The following OXNAD1 variants were observed in gnomAD, a reference collection of about 807,000 sequenced individuals.
OXNAD1 encodes oxidoreductase NAD binding domain containing 1.
Under a neutral mutation model 32.9 loss-of-function variants are expected in OXNAD1, and 34 were observed. The ratio of observed to expected loss-of-function variants is 1.03; its 90% CI spans 0.79 to 1.38. The LOEUF is 1.38. OXNAD1 is among the 40% of genes most tolerant of loss of function. OXNAD1 has a pLI of 0.00. For missense variants in OXNAD1, 407 were observed against 379.4 expected (o/e 1.07, Z -0.60); for synonymous variants, 134 against 135.2 (o/e 0.99, Z 0.06).
At position 16,314,479 on chromosome 3, in the gene OXNAD1, C is replaced by T. The variant is rs2068195705; in HGVS notation, c.*30+10887C>T. On this transcript the variant is annotated intron_variant, in intron 9 of 9. Transcript: ENST00000435829. This position sits in a 1 kb window ranked among gnomAD's most constrained non-coding sequence, Gnocchi z 4.4. ...AAAAATCCTGATGCCCACGCCACTC[C>T]CCAGATCATTCATTCACAAGCTCTG... The T allele has an allele frequency of 6.6e-6, 1 of 152,098 alleles. No homozygotes were observed. Among genetic ancestry groups the T allele is most frequent in the Non-Finnish European group, 1.5e-5 (1 of 68,018 alleles). The allele number at this position is 152,098 out of a possible 1,614,324, so 9.4% of individuals were successfully genotyped here.
At position 16,292,245 on chromosome 3, in the gene OXNAD1, G is replaced by A. The variant is rs566794281; in HGVS notation, c.291-2611G>A. 9.4e-5 allele frequency among the ~76,000 whole-genome samples: 14 copies of A among 148,892 alleles called. No individual in the cohort carries two copies. In the South Asian group the frequency reaches 3.0e-3, roughly 31 times the overall value. On this transcript the variant is annotated intron_variant, in intron 5 of 8. Transcript: ENST00000285083. ...CTCACTCTGTCGCCCAGGCTGGAGC[G>A]CAGTGGCACGATCTCGATTCAGTGC...
intron 2 of OXNAD1, 23 bp downstream of exon 2, chr3:16,269,298 C>T (rs1382093681): frequency 8.5e-6 from 13 of 1,531,720 alleles, no homozygotes; most frequent in Non-Finnish European, 1.0e-5. Flanking sequence ...TTCTTTCTTT[C>T]AGGGATTAAG....
chr3:16,265,859 T>C lies in OXNAD1; in HGVS notation c.-159+354T>C. 3.0e-6 allele frequency: 3 copies of C among 985,214 alleles called. No homozygotes were observed. The highest frequency in any genetic ancestry group is 3.6e-6 in the Non-Finnish European group (3 of 829,712). The allele number at this position is 985,214 out of a possible 1,614,324, so 61.0% of individuals were successfully genotyped here. A position where few individuals can be genotyped will look rare whatever the true frequency, so the allele number is the denominator to read the frequency against. On this transcript the variant is annotated intron_variant, in intron 1 of 8. Coordinates refer to ENST00000285083, the MANE Select transcript of OXNAD1 (RefSeq NM_138381.5). The surrounding 1 kb of genome is among the most constrained non-coding windows in gnomAD (Gnocchi z 4.8). ...CCAAAGCCCAGGAACAAATTACTTA[T>C]GTGAGTACCAGTTTTTTCGTTGTGA...
chr3:16,276,050 T>C (rs1450044180), intron 4 of OXNAD1: 1 of 156,264 alleles, frequency 6.4e-6, no homozygotes, highest in African/African-American at 2.4e-5. Flanking sequence ...GTATTTTGAC[T>C]TGAACCTGGG....
At chr3:16,333,252 G>A (rs992588504) in intron 9 of OXNAD1, among the ~76,000 whole-genome samples, 3 of 152,214 alleles carry the variant, frequency 2.0e-5, no homozygotes, top group African/African-American at 7.2e-5. Context: ...CCACAAAAAG[G>A]ACACTTGCTT....
At position 16,297,595 on chromosome 3, in the gene OXNAD1, C is replaced by T. The variant is rs949086283; in HGVS notation, c.432+2598C>T. Among the ~76,000 whole-genome samples, 1 of 152,102 alleles carries T rather than the reference C, an allele frequency of 6.6e-6. No homozygotes were observed. Among genetic ancestry groups the T allele is most frequent in the Non-Finnish European group, 1.5e-5 (1 of 68,026 alleles). ...ATTATTAAAAACTTCTAGAAACAAC[C>T]CAAATGTCCCTCAGCAGGTGAATGG... is the stretch of plus-strand genomic sequence containing the variant. On this transcript the variant is annotated intron_variant, in intron 6 of 8. Transcript: ENST00000285083. The surrounding 1 kb of genome is among the most constrained non-coding windows in gnomAD (Gnocchi z 4.3).
rs181738094 is a variant in OXNAD1, at chr3:16,268,569, G to C, written c.-158-557G>C. Among the ~76,000 whole-genome samples, 12 of 151,986 alleles carry C rather than the reference G, an allele frequency of 7.9e-5. No homozygotes were observed. In the East Asian group the frequency reaches 2.3e-3, roughly 29 times the overall value. On this transcript the variant is annotated intron_variant, in intron 1 of 8. Transcript: ENST00000285083. Reference sequence around the variant, plus strand: ...TGGTCTCAAACTCCTGACCTCAGGCGATCTACCCACCTCATCCTCCCAAAG... The same window carrying C: ...TGGTCTCAAACTCCTGACCTCAGGCCATCTACCCACCTCATCCTCCCAAAG...
In OXNAD1 at chr3:16,329,334, G is replaced by A. The variant is rs540284638; in HGVS notation, c.*31-7778G>A. On this transcript the variant is annotated intron_variant, in intron 9 of 9. Transcript: ENST00000435829. The surrounding 1 kb of genome is among the most constrained non-coding windows in gnomAD (Gnocchi z 4.5). The stretch of plus-strand genomic sequence containing the variant: ...CAGCACAAGTGGACCGAGACAGGGC[G>A]GAAGTGGAGAAAGGGAAAGGGAAAG... Among the ~76,000 whole-genome samples, 18 of 148,306 alleles carry A rather than the reference G, an allele frequency of 1.2e-4. No homozygotes were observed. Among genetic ancestry groups the A allele is most frequent in the African/African-American group, 4.0e-4 (16 of 40,504 alleles).
intron 9 of OXNAD1, chr3:16,323,263 G>A (rs1425730202): frequency 1.3e-6 from 1 of 742,174 alleles, no homozygotes; most frequent in East Asian, 2.7e-5. Context: ...TGTTCCTTGG[G>A]CTCTGCGAGC....
chr3:16,270,873 C>T (rs959655905), intron 2 of OXNAD1, 72 bp from the exon 3 acceptor site: 7 of 1,590,218 alleles, frequency 4.4e-6, no homozygotes, highest in African/African-American at 2.7e-5. Flanking sequence ...TCCTCACTGA[C>T]CCTCTAAAAT....
In OXNAD1 at chr3:16,318,774, T is replaced by C. The variant is rs150074117; in HGVS notation, c.*30+15182T>C. On this transcript the variant is annotated intron_variant, in intron 9 of 9. Transcript: ENST00000435829. ...AAAACCCAAATGAGTTCACTTACAA[T>C]GTTGGATGGGTTTCTCCTTTGACTT... Among the ~76,000 whole-genome samples, 870 of 152,310 alleles carry C rather than the reference T, an allele frequency of 5.7e-3. 7 individuals carry two copies. The highest frequency in any genetic ancestry group is 0.02 in the African/African-American group (820 of 41,580).
At position 16,303,644 on chromosome 3, in the gene OXNAD1, T is replaced by A. The variant is rs1575156777; in HGVS notation, c.*82T>A. On this transcript the variant is annotated 3_prime_UTR_variant, in exon 9 of 9. Coordinates refer to ENST00000285083, the MANE Select transcript of OXNAD1 (RefSeq NM_138381.5). The surrounding 1 kb of genome is among the most constrained non-coding windows in gnomAD (Gnocchi z 4.8). Reference sequence around the variant, plus strand: ...TCCTTTGTGGCATGATTAATTTTTTTTATCTCTACTTGAGTTGTCTTATTT... The same window carrying A: ...TCCTTTGTGGCATGATTAATTTTTTATATCTCTACTTGAGTTGTCTTATTT... The A allele has an allele frequency of 2.8e-6, 4 of 1,415,626 alleles. No individual in the cohort carries two copies. The highest frequency in any genetic ancestry group is 9.4e-7 in the Non-Finnish European group (1 of 1,059,476). 87.7% of individuals were successfully genotyped at this position (1,415,626 alleles called of 1,614,324 possible).
At chr3:16,310,484 G>T (rs2067892592), downstream of OXNAD1, among the ~76,000 whole-genome samples, 1 of 152,138 alleles carries the variant, frequency 6.6e-6, no homozygotes, top group African/African-American at 2.4e-5. Context: ...TGAACTTAAT[G>T]ACTAGTGAGC....
rs1170704329 is a variant in OXNAD1 at position 16,301,376 on chromosome 3, C to G, written c.433-250C>G. Among the ~76,000 whole-genome samples the G allele has an allele frequency of 6.6e-6, 1 of 152,188 alleles. No individual in the cohort carries two copies. The highest frequency in any genetic ancestry group is 1.5e-5 in the Non-Finnish European group (1 of 68,032). On this transcript the variant is annotated intron_variant, in intron 6 of 8. Coordinates refer to ENST00000285083, the MANE Select transcript of OXNAD1 (RefSeq NM_138381.5). This position sits in a 1 kb window ranked among gnomAD's most constrained non-coding sequence, Gnocchi z 4.1. ...AAGAAGTTAACAAATGGTGAAATCACTGAAGCACATCTCCTTTTCTCAGTA... is the reference window on the plus strand; with the variant it reads ...AAGAAGTTAACAAATGGTGAAATCAGTGAAGCACATCTCCTTTTCTCAGTA...
Position 16,289,889 on chromosome 3 carries a change from C to T in OXNAD1, c.290+3441C>T, listed in dbSNP as rs2066313270. 6.6e-6 allele frequency among the ~76,000 whole-genome samples: 1 copy of T among 152,164 alleles called. No homozygotes were observed. The highest frequency in any genetic ancestry group is 1.5e-5 in the Non-Finnish European group (1 of 68,032). On this transcript the variant is annotated intron_variant, in intron 5 of 8. Coordinates refer to ENST00000285083, the MANE Select transcript of OXNAD1 (RefSeq NM_138381.5). This position sits in a 1 kb window ranked among gnomAD's most constrained non-coding sequence, Gnocchi z 4.9. ...TTGTATGTATTTGTTAATTTTCCTC[C>T]TCTTAGAGTGGGTTCATTGAGGGCA... is the stretch of plus-strand genomic sequence containing the variant.
Position 16,299,045 on chromosome 3 carries a change from T to C in OXNAD1, c.433-2581T>C, listed in dbSNP as rs951410612. Among the ~76,000 whole-genome samples, 1 of 152,204 alleles carries C rather than the reference T, an allele frequency of 6.6e-6. No homozygotes were observed. Among genetic ancestry groups the C allele is most frequent in the African/African-American group, 2.4e-5 (1 of 41,450 alleles). ...GATAAGACAGGCTTCTTGAATATTATCTTTCCCTGGGGCACATTTTCTTGC... is the reference window on the plus strand; with the variant it reads ...GATAAGACAGGCTTCTTGAATATTACCTTTCCCTGGGGCACATTTTCTTGC... On this transcript the variant is annotated intron_variant, in intron 6 of 8. Coordinates refer to ENST00000285083, the MANE Select transcript of OXNAD1 (RefSeq NM_138381.5). This position sits in a 1 kb window ranked among gnomAD's most constrained non-coding sequence, Gnocchi z 4.4.
rs2066214812 is a variant in OXNAD1 at position 16,288,442 on chromosome 3, G to A, written c.290+1994G>A. Among the ~76,000 whole-genome samples the A allele has an allele frequency of 6.6e-6, 1 of 152,158 alleles. No homozygotes were observed. The highest frequency in any genetic ancestry group is 2.1e-4 in the South Asian group (1 of 4,834). On this transcript the variant is annotated intron_variant, in intron 5 of 8. Coordinates refer to ENST00000285083, the MANE Select transcript of OXNAD1 (RefSeq NM_138381.5). This position sits in a 1 kb window ranked among gnomAD's most constrained non-coding sequence, Gnocchi z 5.1. Reference sequence around the variant, plus strand: ...TCCTCTGACACCTACCAAACTCTGAGAATGAGGTTCCAGGCACAACTCTAA... The same window carrying A: ...TCCTCTGACACCTACCAAACTCTGAAAATGAGGTTCCAGGCACAACTCTAA...
chr3:16,272,106 C>A (rs1391170881), intron 4 of OXNAD1: 2 of 378,202 alleles, frequency 5.3e-6, no homozygotes, highest in South Asian at 2.0e-5. Flanking sequence ...TTTTTTTTTG[C>A]GTCACATCTC....
At chr3:16,285,896 G>T (rs1311455366) in intron 4 of OXNAD1, among the ~76,000 whole-genome samples, 2 of 152,172 alleles carry the variant, frequency 1.3e-5, no homozygotes, top group Non-Finnish European at 2.9e-5. Context: ...TTAGCTCTTT[G>T]TGGGCTCCTT....
Sources: gnomAD v4.1 joint callset for allele counts (sites outside exome capture counted in the v4.1 genomes callset) on GRCh38, gnomAD v4.1.1 for gene constraint, Gnocchi (gnomAD v3.1) non-coding constraint, MANE v1.5 for transcripts, NCBI Gene and HGNC (gene_info 2026-07-23, HGNC 2026-07-21) for gene names.